Variants in PSME4 observed in about 807,000 individuals in gnomAD.
PSME4 encodes the protein proteasome activator complex subunit 4.
PSME4 carries 89 observed loss-of-function variants against 253.9 expected under a neutral mutation model. That is an observed-to-expected ratio of 0.35 (90% confidence interval 0.30 to 0.42). The LOEUF is 0.42. Among genes scored for constraint, PSME4 ranks in the 10% least tolerant of loss-of-function variants. The pLI, the probability that PSME4 is intolerant of heterozygous loss-of-function variation, is 1.00. For missense variants in PSME4, 2,014 were observed against 2,195.2 expected, an observed-to-expected ratio of 0.92 and a Z score of 1.65; for synonymous variants, 851 against 759.2, an observed-to-expected ratio of 1.12 and a Z score of -1.99.
intron 8 of PSME4, chr2:53,933,087 T>C: frequency 5.0e-6 from 1 of 201,186 alleles, no homozygotes; most frequent in East Asian, 1.1e-4. Context: ...ACTAAGATTA[T>C]CATCTTAAAA....
At chr2:53,880,627 T>C (rs943477979) in intron 41 of PSME4, among the ~76,000 whole-genome samples, 2 of 152,218 alleles carry the variant, frequency 1.3e-5, no homozygotes, top group African/African-American at 4.8e-5. Context: ...AAGATGGACA[T>C]GATATACTGA....
chr2:53,940,002 T>G lies in PSME4; in HGVS notation c.501-2A>C. ...GTTTTGAGAATATTTTCTACAGAAC[T>G]GGGGGGGGAAAGCCATTTGATAATT... On this transcript the variant is annotated splice_acceptor_variant, in intron 3 of 46. Coordinates refer to ENST00000404125, the MANE Select transcript of PSME4 (RefSeq NM_014614.3). LOFTEE classifies it high-confidence loss of function. The G allele has an allele frequency of 6.4e-7, 1 of 1,570,536 alleles. No homozygotes were observed. Among genetic ancestry groups the G allele is most frequent in the Non-Finnish European group, 8.7e-7 (1 of 1,149,646 alleles).
intron 44 of PSME4, among the ~76,000 whole-genome samples, chr2:53,868,215 A>G (rs1357347324): frequency 6.6e-6 from 1 of 151,650 alleles, no homozygotes; most frequent in Non-Finnish European, 1.5e-5. Flanking sequence ...CCAGTATTCT[A>G]GAAGGCCCAG....
At chr2:53,946,858 G>T (rs892639322) in intron 3 of PSME4, among the ~76,000 whole-genome samples, 1 of 152,004 alleles carries the variant, frequency 6.6e-6, no homozygotes, top group African/African-American at 2.4e-5. Context: ...AGGCTGTGGT[G>T]ATGCAAGATC....
intron 44 of PSME4, 83 bp from the exon 45 acceptor site, chr2:53,866,963 T>A (rs1678595785): frequency 1.5e-6 from 2 of 1,338,964 alleles, no homozygotes; most frequent in Non-Finnish European, 2.0e-6. Flanking sequence ...TAGTTTTCAA[T>A]TGTGTTGTTT....
At chr2:53,895,489 C>A (rs1471784105) in intron 33 of PSME4, 94 bp downstream of exon 33, 13 of 1,253,930 alleles carry the variant, frequency 1.0e-5, no homozygotes, top group Non-Finnish European at 1.2e-5. Context: ...ATAAAAGAAC[C>A]TTCAAGTGCC....
chr2:53,928,103 A>ACAG lies in PSME4; in HGVS notation c.1503+13_1503+14insCTG. The ACAG allele has an allele frequency of 6.3e-7, 1 of 1,589,690 alleles. No homozygotes were observed. Among genetic ancestry groups the ACAG allele is most frequent in the South Asian group, 1.1e-5 (1 of 87,826 alleles). On this transcript the variant is annotated intron_variant, in intron 11 of 46. Transcript: ENST00000404125. ...CTACCTAAATACGGAGTGTATAATC[A>ACAG]CCAATATACTCACCATGCATTTACT...
chr2:53,922,761 C>T (rs535061536), intron 16 of PSME4, among the ~76,000 whole-genome samples, 177 bp from the exon 17 acceptor site: 1 of 152,210 alleles, frequency 6.6e-6, no homozygotes, highest in African/African-American at 2.4e-5. Context: ...ACAGAATTTT[C>T]AAGAAAATAA....
At chr2:53,893,918 T>G in intron 34 of PSME4, 119 bp from the exon 35 acceptor site, 1 of 1,377,428 alleles carries the variant, frequency 7.3e-7, no homozygotes, top group African/African-American at 1.5e-5. Context: ...TTTGTTTCCA[T>G]GAATTCTTAG....
chr2:53,943,100 T>C (rs1230809994), intron 3 of PSME4, among the ~76,000 whole-genome samples: 1 of 152,224 alleles, frequency 6.6e-6, no homozygotes, highest in African/African-American at 2.4e-5. Flanking sequence ...CAATATTCAC[T>C]TCTAAACCAG....
chr2:53,962,439 T>C (rs1036403300), intron 1 of PSME4, among the ~76,000 whole-genome samples: 1 of 151,340 alleles, frequency 6.6e-6, no homozygotes, highest in African/African-American at 2.4e-5. Flanking sequence ...TCCACTTCAA[T>C]TAACAACAGG....
chr2:53,930,509 C>G (rs1039458243), intron 10 of PSME4, among the ~76,000 whole-genome samples: 1 of 152,172 alleles, frequency 6.6e-6, no homozygotes. Flanking sequence ...TATCTTCCCC[C>G]ACTCCATTTC....
chr2:53,934,440 T>G (rs1011493151), intron 8 of PSME4, among the ~76,000 whole-genome samples, 165 bp downstream of exon 8: 1 of 152,188 alleles, frequency 6.6e-6, no homozygotes, highest in Admixed American at 6.5e-5. Context: ...ATGGTACCAC[T>G]ATATTCTGGA....
chr2:53,876,007 CCTGA>C (rs1427222707), intron 41 of PSME4, among the ~76,000 whole-genome samples: 1 of 152,102 alleles, frequency 6.6e-6, no homozygotes, highest in Admixed American at 6.6e-5. Context: ...GAAGCAAATC[CCTGA>C]CTGTTTCATC....
intron 10 of PSME4, among the ~76,000 whole-genome samples, chr2:53,929,007 A>G (rs546205554): frequency 7.2e-5 from 11 of 152,174 alleles, no homozygotes; most frequent in Admixed American, 5.9e-4. Context: ...CTCTACCATG[A>G]ATACAAAAAT....
intron 3 of PSME4, among the ~76,000 whole-genome samples, chr2:53,943,899 C>T (rs1467800594): frequency 6.7e-6 from 1 of 149,658 alleles, no homozygotes; most frequent in African/African-American, 2.5e-5. Flanking sequence ...ATTTTCCTTG[C>T]TGATGCACAT....
chr2:53,940,928 A>AC (rs397715475), intron 3 of PSME4, among the ~76,000 whole-genome samples: 1 of 76,942 alleles, frequency 1.3e-5, no homozygotes, highest in African/African-American at 4.1e-5. Context: ...ATATATATAT[A>AC]ATACATATAT....
chr2:53,891,586 C>A (rs1679906703), intron 36 of PSME4, among the ~76,000 whole-genome samples: 1 of 151,428 alleles, frequency 6.6e-6, no homozygotes. Context: ...GAAGGCCAGG[C>A]ACAGTAGCTC....
chr2:53,909,042 T>TC (rs1292647104), intron 21 of PSME4, among the ~76,000 whole-genome samples: 1 of 151,954 alleles, frequency 6.6e-6, no homozygotes, highest in Non-Finnish European at 1.5e-5. Flanking sequence ...TTATGAGATG[T>TC]CTATCATGCT....
Sources: gnomAD v4.1 joint callset for allele counts (sites outside exome capture counted in the v4.1 genomes callset) on GRCh38, gnomAD v4.1.1 for gene constraint, MANE v1.5 for transcripts, NCBI Gene and HGNC (gene_info 2026-07-23, HGNC 2026-07-21) for gene names.